Variants in SCUBE2 observed in about 807,000 individuals in gnomAD.
The protein encoded by SCUBE2 is signal peptide, CUB domain and EGF like domain containing 2, also known as signal peptide, CUB and EGF-like domain-containing protein 2.
A neutral mutation model predicts 125.9 loss-of-function variants in SCUBE2; 114 were observed. The observed-to-expected ratio is 0.91, with a 90% CI of 0.78 to 1.06. The LOEUF (loss-of-function observed/expected upper bound fraction) is 1.06. Among genes scored for constraint, SCUBE2 ranks in the 50% least tolerant of loss-of-function variants. The pLI, the probability that SCUBE2 is intolerant of heterozygous loss-of-function variation, is 0.00. For synonymous variants in SCUBE2, 459 were observed against 492.9 expected, an observed-to-expected ratio of 0.93 and a Z score of 0.91; for missense variants, 1,255 against 1,301.8, an observed-to-expected ratio of 0.96 and a Z score of 0.55.
At chr11:9,081,683 AAAC>A (rs1313370643) in intron 2 of SCUBE2, among the ~76,000 whole-genome samples, 6 of 142,080 alleles carry the variant, frequency 4.2e-5, no homozygotes, top group South Asian at 2.4e-4. Context: ...CAAAAAAAAA[AAAC>A]CAAAAATATT....
At chr11:9,045,809 AT>A (rs1857672495) in intron 16 of SCUBE2, among the ~76,000 whole-genome samples, 1 of 151,966 alleles carries the variant, frequency 6.6e-6, no homozygotes, top group Non-Finnish European at 1.5e-5. Flanking sequence ...AATCTTCAAC[AT>A]TGCTGTCAGA....
At chr11:9,030,082 G>T (rs1566167102) in intron 18 of SCUBE2, 37 bp from the exon 19 acceptor site, 1 of 1,591,186 alleles carries the variant, frequency 6.3e-7, no homozygotes, top group Non-Finnish European at 8.6e-7. Context: ...ATGAAAAAAA[G>T]AAAGATTATT....
In SCUBE2 at chr11:9,091,369, G is replaced by C; in HGVS notation, c.133+27C>G. The C allele has an allele frequency of 7.7e-7, 1 of 1,300,634 alleles. No homozygotes were observed. Among genetic ancestry groups the C allele is most frequent in the Middle Eastern group, 2.9e-4 (1 of 3,426 alleles). 80.6% of individuals were successfully genotyped at this position (1,300,634 alleles called of 1,614,324 possible). A position where few individuals can be genotyped will look rare whatever the true frequency, so the allele number is the denominator to read the frequency against. ...CTTCCTGGCCCTGCCTGCTGTGCCA[G>C]GTGCGCCCCCGCGGCCGGACACTCA... On this transcript the variant is annotated intron_variant, in intron 1 of 22. Coordinates refer to ENST00000649792, the MANE Select transcript of SCUBE2 (RefSeq NM_001367977.2). This position sits in a 1 kb window ranked among gnomAD's most constrained non-coding sequence, Gnocchi z 8.5.
At chr11:9,023,899 C>T (rs1013192686) in intron 21 of SCUBE2, among the ~76,000 whole-genome samples, 2 of 152,152 alleles carry the variant, frequency 1.3e-5, no homozygotes, top group East Asian at 1.9e-4. Context: ...CGTTGTCCAG[C>T]GCTCAGAGGG....
At chr11:9,089,888 T>A (rs866546814) in intron 1 of SCUBE2, 59 bp from the exon 2 acceptor site, 2 of 1,585,374 alleles carry the variant, frequency 1.3e-6, no homozygotes, top group African/African-American at 2.7e-5. Flanking sequence ...TGATCTGGCC[T>A]CGGCCCTGTC....
chr11:9,078,651 G>T (rs150213260), intron 3 of SCUBE2, among the ~76,000 whole-genome samples: 1 of 152,198 alleles, frequency 6.6e-6, no homozygotes, highest in Non-Finnish European at 1.5e-5. Context: ...ATGAAGGGTC[G>T]TGAGTGTCAA....
Position 9,027,480 on chromosome 11 carries a change from G to GTGT in SCUBE2, c.2582_2584dup (p.Asn861dup), listed in dbSNP as rs751566431. ...TGGGTTGATGGTCCACGTACACTCG[G>GTGT]TGTTGGCTGGGTAATTGCCTGGGTA... On this transcript the variant is annotated inframe_insertion, in exon 20 of 23. Transcript: ENST00000649792. 6.2e-7 allele frequency: 1 copy of GTGT among 1,614,118 alleles called. No homozygotes were observed. The highest frequency in any genetic ancestry group is 8.5e-7 in the Non-Finnish European group (1 of 1,180,032).
intron 7 of SCUBE2, among the ~76,000 whole-genome samples, chr11:9,062,568 A>G (rs1487122952): frequency 2.0e-5 from 3 of 152,212 alleles, no homozygotes; most frequent in Non-Finnish European, 4.4e-5. Flanking sequence ...AGATCAAACC[A>G]ACGGGGAAAA....
chr11:9,053,971 G>T (rs1255036478), intron 10 of SCUBE2, among the ~76,000 whole-genome samples: 1 of 150,868 alleles, frequency 6.6e-6, no homozygotes, highest in East Asian at 1.9e-4. Context: ...GGCTCAATAG[G>T]GCCTTCTCAA....
At chr11:9,069,303 G>A in intron 5 of SCUBE2, 67 bp downstream of exon 5, 1 of 1,592,516 alleles carries the variant, frequency 6.3e-7, no homozygotes, top group Non-Finnish European at 8.6e-7. Flanking sequence ...CTTCTGAGCT[G>A]GGCCACAGAA....
chr11:9,022,955 G>A (rs1855435153), intron 21 of SCUBE2, among the ~76,000 whole-genome samples: 1 of 151,974 alleles, frequency 6.6e-6, no homozygotes, highest in African/African-American at 2.4e-5. Context: ...TTTGAATGGG[G>A]CTGGAGGGTG....
intron 16 of SCUBE2, among the ~76,000 whole-genome samples, chr11:9,044,936 C>T (rs950948440): frequency 2.0e-5 from 3 of 152,206 alleles, no homozygotes; most frequent in Non-Finnish European, 4.4e-5. Context: ...GTACGCTCCT[C>T]ATCCCTCACC....
intron 2 of SCUBE2, among the ~76,000 whole-genome samples, chr11:9,083,835 C>A (rs1003632126): frequency 6.6e-6 from 1 of 152,098 alleles, no homozygotes; most frequent in Admixed American, 6.5e-5. Flanking sequence ...CCACTGCATC[C>A]GGCCTAGAAT....
At chr11:9,025,573 A>G (rs1197612321) in intron 21 of SCUBE2, 129 bp downstream of exon 21, 1 of 1,140,422 alleles carries the variant, frequency 8.8e-7, no homozygotes, top group Non-Finnish European at 1.2e-6. Flanking sequence ...GTGAGTCAGC[A>G]ATGTCTTTTC....
chr11:9,059,473 T>C, intron 8 of SCUBE2, 48 bp from the exon 9 acceptor site: 1 of 1,583,288 alleles, frequency 6.3e-7, no homozygotes, highest in Non-Finnish European at 8.6e-7. Context: ...ACTTGCCTCA[T>C]TTCCCACAAC....
At chr11:9,055,091 G>A (rs535144797) in intron 10 of SCUBE2, among the ~76,000 whole-genome samples, 3 of 152,210 alleles carry the variant, frequency 2.0e-5, no homozygotes, top group Admixed American at 2.0e-4. Context: ...TAAGCCAGTG[G>A]TTCCCAAATC....
chr11:9,073,134 T>C (rs1860944939), intron 4 of SCUBE2, among the ~76,000 whole-genome samples: 1 of 152,196 alleles, frequency 6.6e-6, no homozygotes, highest in Non-Finnish European at 1.5e-5. Context: ...AAAGGAGAGA[T>C]GCCCTGAGAT....
chr11:9,052,988 C>T (rs3751051), intron 12 of SCUBE2, 111 bp downstream of exon 12: 222,226 of 1,065,848 alleles, frequency 0.21, 25,629 homozygotes, highest in South Asian at 0.37. Flanking sequence ...GCACGGTGGT[C>T]GGGGCATCTG....
At chr11:9,031,619 C>A (rs1474177615) in intron 17 of SCUBE2, among the ~76,000 whole-genome samples, 1 of 151,624 alleles carries the variant, frequency 6.6e-6, no homozygotes, top group Non-Finnish European at 1.5e-5. Context: ...TCCAGAAAGA[C>A]CTTGTCTCTA....
Sources: gnomAD v4.1 joint callset for allele counts (sites outside exome capture counted in the v4.1 genomes callset) on GRCh38, gnomAD v4.1.1 for gene constraint, Gnocchi (gnomAD v3.1) non-coding constraint, MANE v1.5 for transcripts, NCBI Gene and HGNC (gene_info 2026-07-23, HGNC 2026-07-21) for gene names.